Variants in RNF157 observed in about 807,000 individuals in gnomAD.
RNF157 encodes the protein E3 ubiquitin ligase RNF157.
In RNF157, 55 loss-of-function variants were observed where a neutral mutation model predicts 88.3. That is an observed-to-expected ratio of 0.62 (90% confidence interval 0.50 to 0.78). The LOEUF is 0.78. RNF157 is among the 30% of genes least tolerant of loss of function. RNF157 has a pLI of 0.00. For missense variants in RNF157, 788 were observed against 860.8 expected (o/e 0.92, Z 1.06); for synonymous variants, 334 against 341.2 (o/e 0.98, Z 0.23).
rs1408575307 is a variant in RNF157, at chr17:76,156,395, C to T, written c.1414-74G>A. 21 of 1,600,272 alleles carry T rather than the reference C, an allele frequency of 1.3e-5. No individual in the cohort carries two copies. The East Asian group carries it at 2.5e-4, about 19-fold the overall frequency. On this transcript the variant is annotated intron_variant, in intron 13 of 18. Transcript: ENST00000269391. ...CCTGTGCTGGAGGAAGGGGTCAGGGCGGAGGTCTGGGTAGAGATGAGGAGG... is the reference window on the plus strand; with the variant it reads ...CCTGTGCTGGAGGAAGGGGTCAGGGTGGAGGTCTGGGTAGAGATGAGGAGG...
Position 76,158,492 on chromosome 17 carries a change from G to A in RNF157, c.1314C>T (p.Ser438=), listed in dbSNP as rs1315500309. 1 of 1,612,720 alleles carries A rather than the reference G, an allele frequency of 6.2e-7. No individual in the cohort carries two copies. Among genetic ancestry groups the A allele is most frequent in the Non-Finnish European group, 8.5e-7 (1 of 1,178,808 alleles). ...KLKKSLSKST[S]QNSSVLHEEE... ...CTTCATGCAGCACGGAAGAGTTTTG[G>A]GAAGTGGATCTGTAGGAGTCCAGTG... Residue 438 remains serine, a synonymous_variant, in exon 13 of 19, where the codon TCC becomes TCT. Coordinates refer to ENST00000269391, the MANE Select transcript of RNF157 (RefSeq NM_052916.3).
At position 76,146,727 on chromosome 17, in the gene RNF157, C is replaced by T. The variant is rs1302471642; in HGVS notation, c.1922-1374G>A. ...TGGAGCTCCTCCATGGGACAAAGCT[C>T]CTCCTGGGCAGGGGCCGTGACTTCT... is the stretch of plus-strand genomic sequence containing the variant. On this transcript the variant is annotated intron_variant, in intron 18 of 18. Transcript: ENST00000269391. This position sits in a 1 kb window ranked among gnomAD's most constrained non-coding sequence, Gnocchi z 4.2. 1 of 985,362 alleles carries T rather than the reference C, an allele frequency of 1.0e-6. No individual in the cohort carries two copies. Among genetic ancestry groups the T allele is most frequent in the Non-Finnish European group, 1.2e-6 (1 of 829,938 alleles). The allele number at this position is 985,362 out of a possible 1,614,324, so 61.0% of individuals were successfully genotyped here.
At position 76,157,067 on chromosome 17, in the gene RNF157, A is replaced by C. The variant is rs1378727568; in HGVS notation, c.1414-746T>G. The stretch of plus-strand genomic sequence containing the variant: ...CTGCAACCCCTGCCTCCTGGGTTCA[A>C]GCGATTCTCCTGCCTCAGCCTCCCG... On this transcript the variant is annotated intron_variant, in intron 13 of 18. Coordinates refer to ENST00000269391, the MANE Select transcript of RNF157 (RefSeq NM_052916.3). The surrounding 1 kb of genome is among the most constrained non-coding windows in gnomAD (Gnocchi z 5.6). Among the ~76,000 whole-genome samples the C allele has an allele frequency of 6.6e-6, 1 of 151,870 alleles. No individual in the cohort carries two copies. Among genetic ancestry groups the C allele is most frequent in the African/African-American group, 2.4e-5 (1 of 41,314 alleles).
At chr17:76,200,231 G>A (rs2069551023) in intron 2 of RNF157, among the ~76,000 whole-genome samples, 1 of 150,796 alleles carries the variant, frequency 6.6e-6, no homozygotes, top group South Asian at 2.1e-4. Context: ...GACAGAGCGG[G>A]ACTCCGTCTT....
chr17:76,173,603 G>A (rs976829109), intron 3 of RNF157, 99 bp downstream of exon 3: 129 of 908,210 alleles, frequency 1.4e-4, no homozygotes, highest in South Asian at 2.8e-4. Flanking sequence ...TGGGGCTGCC[G>A]GAAACTGCTG....
intron 2 of RNF157, among the ~76,000 whole-genome samples, chr17:76,201,575 T>G (rs2069579059): frequency 6.6e-6 from 1 of 152,152 alleles, no homozygotes; most frequent in African/African-American, 2.4e-5. Context: ...CTTCTTGATA[T>G]ATCCCAAGAG....
intron 1 of RNF157, among the ~76,000 whole-genome samples, chr17:76,215,678 G>C (rs992567205): frequency 1.2e-4 from 19 of 152,056 alleles, no homozygotes; most frequent in African/African-American, 4.6e-4. Context: ...CTTTAGTCTA[G>C]AAACATCTAT....
At chr17:76,232,400 A>G (rs1173678569) in intron 1 of RNF157, among the ~76,000 whole-genome samples, 3 of 151,874 alleles carry the variant, frequency 2.0e-5, no homozygotes, top group African/African-American at 7.3e-5. Flanking sequence ...AAAAAAAAAA[A>G]GCAAAGAAAC....
At chr17:76,149,240 G>A (rs557373053) in intron 18 of RNF157, among the ~76,000 whole-genome samples, 5 of 152,110 alleles carry the variant, frequency 3.3e-5, no homozygotes, top group East Asian at 3.9e-4. Flanking sequence ...AACAAGGTTC[G>A]CAGTCCTTGC....
At chr17:76,166,565 C>T in intron 5 of RNF157, 38 bp from the exon 6 acceptor site, 1 of 1,545,678 alleles carries the variant, frequency 6.5e-7, no homozygotes, top group East Asian at 2.2e-5. Flanking sequence ...AAAAAGAGGA[C>T]TTAACACATT....
At chr17:76,158,632 G>A in intron 12 of RNF157, 131 bp from the exon 13 acceptor site, 1 of 644,054 alleles carries the variant, frequency 1.6e-6, no homozygotes, top group Non-Finnish European at 2.8e-6. Context: ...ATCTCATTAT[G>A]TTTCCCAGGC....
rs1166926606 is a variant in RNF157 at position 76,219,904 on chromosome 17, C to T, written c.89-7422G>A. Among the ~76,000 whole-genome samples, 3 of 152,024 alleles carry T rather than the reference C, an allele frequency of 2.0e-5. No homozygotes were observed. In the East Asian group the frequency reaches 5.8e-4, roughly 29 times the overall value. On this transcript the variant is annotated intron_variant, in intron 1 of 18. Transcript: ENST00000269391. ...GTAATTATGTGATTTTCAATTTTAT[C>T]ATACCTAGCGTATTGAGAATCAGAG...
At chr17:76,166,979 T>C in intron 5 of RNF157, 30 bp downstream of exon 5, 1 of 1,520,838 alleles carries the variant, frequency 6.6e-7, no homozygotes, top group African/African-American at 1.4e-5. Flanking sequence ...TCTGAGTGGA[T>C]GTGGGAAACC....
intron 2 of RNF157, among the ~76,000 whole-genome samples, chr17:76,200,697 G>A (rs1401790873): frequency 6.6e-6 from 1 of 152,144 alleles, no homozygotes; most frequent in Non-Finnish European, 1.5e-5. Flanking sequence ...GAAGTAGGGA[G>A]ACATGTATTA....
In RNF157 at chr17:76,156,339, A is replaced by G. The variant is rs756482248; in HGVS notation, c.1414-18T>C. The G allele has an allele frequency of 5.0e-6, 8 of 1,613,704 alleles. No homozygotes were observed. In the South Asian group the frequency reaches 7.7e-5, roughly 16 times the overall value. ...CCACATTCCTGGGGGTTGTGGGGGG[A>G]CACAACAGGACATGGAGCAAGCGCC... On this transcript the variant is annotated intron_variant, in intron 13 of 18. Coordinates refer to ENST00000269391, the MANE Select transcript of RNF157 (RefSeq NM_052916.3).
At chr17:76,211,636 C>T (rs2069802050) in intron 2 of RNF157, among the ~76,000 whole-genome samples, 1 of 152,184 alleles carries the variant, frequency 6.6e-6, no homozygotes, top group Non-Finnish European at 1.5e-5. Flanking sequence ...TTATTCATCT[C>T]TCTGAACACC....
chr17:76,239,773 G>GGGCCGGGCC (rs1220784741), intron 1 of RNF157, among the ~76,000 whole-genome samples: 1 of 152,174 alleles, frequency 6.6e-6, no homozygotes, highest in Non-Finnish European at 1.5e-5. Flanking sequence ...GGTAGGCTTT[G>GGGCCGGGCC]GGCCGGGCCG....
intron 2 of RNF157, among the ~76,000 whole-genome samples, chr17:76,210,476 G>A (rs1435213718): frequency 6.7e-6 from 1 of 149,560 alleles, no homozygotes; most frequent in Non-Finnish European, 1.5e-5. Context: ...TGTAGTCCCA[G>A]CTACTCAGGA....
rs1273021380 is a variant in RNF157 at position 76,240,141 on chromosome 17, G to A, written c.88+12C>T. The A allele has an allele frequency of 2.3e-6, 3 of 1,319,528 alleles. No individual in the cohort carries two copies. Among genetic ancestry groups the A allele is most frequent in the South Asian group, 2.3e-5 (1 of 42,572 alleles). The allele number at this position is 1,319,528 out of a possible 1,614,324, so 81.7% of individuals were successfully genotyped here. A position where few individuals can be genotyped will look rare whatever the true frequency, so the allele number is the denominator to read the frequency against. Reference sequence around the variant, plus strand: ...CTCCCTCCTCGCGGCTGCGGCGCCCGCCCGCCCTCACCGGACTTGGGCGGG... The same window carrying A: ...CTCCCTCCTCGCGGCTGCGGCGCCCACCCGCCCTCACCGGACTTGGGCGGG... On this transcript the variant is annotated intron_variant, in intron 1 of 18. Transcript: ENST00000269391. This position sits in a 1 kb window ranked among gnomAD's most constrained non-coding sequence, Gnocchi z 4.4.
Sources: allele counts gnomAD v4.1 joint callset (sites outside exome capture counted in the v4.1 genomes callset), GRCh38; gene constraint gnomAD v4.1.1; non-coding constraint Gnocchi (gnomAD v3.1); transcripts MANE v1.5; gene names NCBI Gene and HGNC (gene_info 2026-07-23, HGNC 2026-07-21).